The following CEP120 variants were observed in gnomAD, a reference collection of about 807,000 sequenced individuals.
CEP120 encodes centrosomal protein of 120 kDa.
In CEP120, 113 loss-of-function variants were observed where a neutral mutation model predicts 126.5. The ratio of observed to expected loss-of-function variants is 0.89; its 90% CI spans 0.77 to 1.04. The LOEUF is 1.04. Ranked by LOEUF, CEP120 falls within the 50% of genes least tolerant of loss-of-function variation. CEP120 has a pLI of 0.00. For missense variants in CEP120, 1,230 were observed against 1,155.7 expected (o/e 1.06, Z -0.93); for synonymous variants, 400 against 394.3 (o/e 1.01, Z -0.17).
At chr5:123,409,682 G>A (rs961918642) in intron 4 of CEP120, among the ~76,000 whole-genome samples, 2 of 152,148 alleles carry the variant, frequency 1.3e-5, no homozygotes, top group African/African-American at 2.4e-5. Context: ...AAAAGGCCAG[G>A]TGTGGTGGCT....
intron 19 of CEP120, among the ~76,000 whole-genome samples, chr5:123,347,197 A>AT (rs1768888564): frequency 6.6e-6 from 1 of 152,106 alleles, no homozygotes. Flanking sequence ...TTATATAGAG[A>AT]TTTTTTAATA....
chr5:123,388,614 G>T lies in CEP120; in HGVS notation c.1256-8C>A. The T allele has an allele frequency of 1.3e-6, 2 of 1,554,124 alleles. No homozygotes were observed. The highest frequency in any genetic ancestry group is 2.5e-5 in the South Asian group (2 of 81,246). ...CAGGTACAGAAGAACTGGCTGAAAT[G>T]AACATAAAATAAAACAAAATAATCA... is the stretch of plus-strand genomic sequence containing the variant. On this transcript the variant is annotated splice_polypyrimidine_tract_variant and splice_region_variant and intron_variant, in intron 8 of 19. Coordinates refer to ENST00000306467, the MANE Select transcript of CEP120 (RefSeq NM_001375405.1).
At chr5:123,351,960 A>G (rs1224650019) in intron 18 of CEP120, among the ~76,000 whole-genome samples, 2 of 152,104 alleles carry the variant, frequency 1.3e-5, no homozygotes, top group East Asian at 3.9e-4. Context: ...ATTCTTGCCA[A>G]CACTTCATAA....
intron 18 of CEP120, among the ~76,000 whole-genome samples, chr5:123,353,864 C>T (rs370038621): frequency 2.6e-5 from 4 of 152,006 alleles, no homozygotes; most frequent in East Asian, 1.9e-4. Context: ...CTTGCTAAGG[C>T]GGGGTTGGGG....
chr5:123,371,488 C>T (rs1271242632), intron 17 of CEP120, among the ~76,000 whole-genome samples: 1 of 152,022 alleles, frequency 6.6e-6, no homozygotes, highest in Non-Finnish European at 1.5e-5. Context: ...CACCGGGTCC[C>T]TCCCACAACA....
intron 4 of CEP120, among the ~76,000 whole-genome samples, chr5:123,407,504 A>G (rs1180134211): frequency 1.3e-5 from 2 of 152,226 alleles, no homozygotes; most frequent in Admixed American, 6.5e-5. Flanking sequence ...ATATTACATG[A>G]TGATAAAGGA....
chr5:123,400,883 C>T, intron 4 of CEP120: 1 of 1,222,908 alleles, frequency 8.2e-7, no homozygotes, highest in South Asian at 1.2e-5. Flanking sequence ...TGGGGCAGCG[C>T]AGGAGGGGTA....
At chr5:123,379,815 T>C (rs568255639) in intron 14 of CEP120, among the ~76,000 whole-genome samples, 7 of 152,270 alleles carry the variant, frequency 4.6e-5, no homozygotes, top group African/African-American at 1.4e-4. Flanking sequence ...TTCTTTGCCT[T>C]TTCCTCAAGG....
chr5:123,412,397 AC>A lies in CEP120; in HGVS notation c.463+1del. On this transcript the variant is annotated splice_donor_variant, in intron 4 of 19. Transcript: ENST00000306467. LOFTEE classifies it high-confidence loss of function. The stretch of plus-strand genomic sequence containing the variant: ...GAATGTTTTTAGAGATGATGCACAA[AC>A]CTTTTCCATCTCGAGGGGGAGCCCC... 6.3e-7 allele frequency: 1 copy of A among 1,593,308 alleles called. No individual in the cohort carries two copies. The highest frequency in any genetic ancestry group is 8.5e-7 in the Non-Finnish European group (1 of 1,173,654).
chr5:123,369,846 A>G (rs1014509570), intron 17 of CEP120, among the ~76,000 whole-genome samples: 2 of 151,972 alleles, frequency 1.3e-5, no homozygotes, highest in Admixed American at 6.6e-5. Flanking sequence ...TCTCTCCTCT[A>G]TAATGGATCT....
At chr5:123,416,286 G>A (rs1301906111) in intron 2 of CEP120, among the ~76,000 whole-genome samples, 162 bp from the exon 3 acceptor site, 1 of 152,194 alleles carries the variant, frequency 6.6e-6, no homozygotes, top group Non-Finnish European at 1.5e-5. Context: ...AACTAGGCCA[G>A]GCGCAATGGC....
At position 123,423,195 on chromosome 5, in the gene CEP120, G is replaced by T; in HGVS notation, c.-197C>A. 1 of 593,374 alleles carries T rather than the reference G, an allele frequency of 1.7e-6. No homozygotes were observed. Among genetic ancestry groups the T allele is most frequent in the East Asian group, 2.8e-5 (1 of 35,576 alleles). 36.8% of individuals were successfully genotyped at this position (593,374 alleles called of 1,614,324 possible). A position where few individuals can be genotyped will look rare whatever the true frequency, so the allele number is the denominator to read the frequency against. On this transcript the variant is annotated 5_prime_UTR_variant, in exon 1 of 20. The change creates a new upstream start codon in the 5' untranslated region. Transcript: ENST00000306467. ...TCCTCTGCCTCGGGCCGCCAGCCCA[G>T]ATCCTAACTGTGCCCCGACTCAAGG...
At chr5:123,397,778 T>C (rs193016476) in intron 5 of CEP120, among the ~76,000 whole-genome samples, 5 of 152,318 alleles carry the variant, frequency 3.3e-5, no homozygotes, top group African/African-American at 9.6e-5. Context: ...CGTGGACATT[T>C]TGTTCCTCTA....
intron 17 of CEP120, among the ~76,000 whole-genome samples, chr5:123,369,007 T>A (rs1770667615): frequency 1.3e-5 from 2 of 151,882 alleles, no homozygotes; most frequent in South Asian, 4.1e-4. Flanking sequence ...AAAGGGACCC[T>A]GAGTCAAAAA....
intron 18 of CEP120, 58 bp downstream of exon 18, chr5:123,364,438 G>A (rs571122593): frequency 1.1e-4 from 125 of 1,148,920 alleles, no homozygotes; most frequent in Admixed American, 3.0e-4. Context: ...CCAAACATAC[G>A]AATTTGCAAA....
intron 4 of CEP120, among the ~76,000 whole-genome samples, chr5:123,409,458 G>A (rs1773894611): frequency 6.7e-6 from 1 of 150,200 alleles, no homozygotes; most frequent in Non-Finnish European, 1.5e-5. Flanking sequence ...TACAGATTAG[G>A]AAAGAAGAAA....
At chr5:123,385,264 T>G in intron 10 of CEP120, 131 bp from the exon 11 acceptor site, 1 of 604,920 alleles carries the variant, frequency 1.7e-6, no homozygotes, top group Admixed American at 3.6e-5. Flanking sequence ...CTAACACAAT[T>G]GTTAGACTGA....
rs1041561871 is a variant in CEP120 at position 123,345,574 on chromosome 5, T to C, written c.*945A>G. ...CAAATGTTGGCTCTGAAGAATATGA[T>C]ATAAAGGAACTCTTAAGAGTTTTTA... On this transcript the variant is annotated 3_prime_UTR_variant, in exon 20 of 20. Transcript: ENST00000306467. The C allele has an allele frequency of 2.0e-5, 3 of 152,184 alleles. No homozygotes were observed. The highest frequency in any genetic ancestry group is 1.9e-4 in the East Asian group (1 of 5,202). 9.4% of individuals were successfully genotyped at this position (152,184 alleles called of 1,614,324 possible).
chr5:123,364,628 C>G (rs377665242), intron 17 of CEP120, 34 bp from the exon 18 acceptor site: 101 of 1,302,082 alleles, frequency 7.8e-5, no homozygotes, highest in Non-Finnish European at 5.5e-6. Flanking sequence ...AAGTGAAACA[C>G]TATACCACTG....
Sources: allele counts gnomAD v4.1 joint callset (sites outside exome capture counted in the v4.1 genomes callset), GRCh38; gene constraint gnomAD v4.1.1; transcripts MANE v1.5; gene names NCBI Gene and HGNC (gene_info 2026-07-23, HGNC 2026-07-21).